The following UNC13C variants were observed in gnomAD, a reference collection of about 807,000 sequenced individuals.
UNC13C encodes the protein unc-13 homolog C, also known as protein unc-13 homolog C.
Under a neutral mutation model 245.4 loss-of-function variants are expected in UNC13C, and 174 were observed. That is an observed-to-expected ratio of 0.71 (90% CI 0.63 to 0.80). The LOEUF (loss-of-function observed/expected upper bound fraction) is 0.80, where lower values mean the gene tolerates loss of function less well. Among genes scored for constraint, UNC13C ranks in the 30% least tolerant of loss-of-function variants. The probability of loss-of-function intolerance (pLI) is 0.00; values close to 1 mark genes in which losing one functional copy is unlikely to be tolerated. For missense variants in UNC13C, 2,829 were observed against 2,602.9 expected (o/e 1.09, Z -1.89); for synonymous variants, 992 against 895.1 (o/e 1.11, Z -1.93).
intron 2 of UNC13C, among the ~76,000 whole-genome samples, chr15:54,125,123 C>T (rs948837588): frequency 6.6e-6 from 1 of 152,164 alleles, no homozygotes; most frequent in South Asian, 2.1e-4. Context: ...TTGTAGTTCC[C>T]TTATCTTTCC....
At chr15:54,293,254 C>A (rs951720943) in intron 10 of UNC13C, among the ~76,000 whole-genome samples, 7 of 151,834 alleles carry the variant, frequency 4.6e-5, no homozygotes, top group Non-Finnish European at 7.4e-5. Context: ...TATACAAAAA[C>A]CACAGTGTCA....
At chr15:54,147,671 C>T (rs911452700) in intron 4 of UNC13C, among the ~76,000 whole-genome samples, 3 of 151,144 alleles carry the variant, frequency 2.0e-5, no homozygotes, top group Non-Finnish European at 4.4e-5. Context: ...GTAATTAGAA[C>T]TCCACTGGTT....
the UNC13C span, chr15:53,972,792 AAAAGG>A: frequency 6.6e-6 from 1 of 152,214 alleles, no homozygotes; most frequent in Non-Finnish European, 1.5e-5. Flanking sequence ...AGCCTTCAAA[AAAAGG>A]AAAGGAAGTC....
At chr15:54,104,018 C>A (rs968026457) in intron 2 of UNC13C, among the ~76,000 whole-genome samples, 9 of 152,256 alleles carry the variant, frequency 5.9e-5, no homozygotes, top group African/African-American at 2.2e-4. Flanking sequence ...GCTGGGATTA[C>A]AGGCGTGAGC....
Position 54,546,818 on chromosome 15 carries a change from T to C in UNC13C, c.5793T>C (p.Ile1931=), listed in dbSNP as rs1434336413. Residue 1931 remains isoleucine (I), a synonymous_variant, in exon 27 of 33, where the codon ATT becomes ATC. Transcript: ENST00000260323. ...TTCTCAACAAAATAGAAAAACAAAT[T>C]GTTCTTCCTCCTCTGACAGATCAAA... ...KLVLNKIEKQ[I]VLPPLTDQTG... is the part of the protein sequence containing the mutation. 1.3e-6 allele frequency: 2 copies of C among 1,582,078 alleles called. No homozygotes were observed. Among genetic ancestry groups the C allele is most frequent in the East Asian group, 4.6e-5 (2 of 43,726 alleles).
chr15:54,091,730 A>AT (rs138552016), intron 2 of UNC13C, among the ~76,000 whole-genome samples: 11,921 of 151,534 alleles, frequency 0.079, 938 homozygotes, highest in African/African-American at 0.19. Flanking sequence ...TCTTTCTAAA[A>AT]ATTTTGTTAT....
the UNC13C span, among the ~76,000 whole-genome samples, chr15:53,892,287 T>C: frequency 6.6e-6 from 1 of 152,184 alleles, no homozygotes; most frequent in Non-Finnish European, 1.5e-5. Flanking sequence ...AACCCAACCT[T>C]TTTCTCTGCT....
intron 4 of UNC13C, among the ~76,000 whole-genome samples, chr15:54,230,890 T>G (rs1052428413): frequency 6.6e-6 from 1 of 152,080 alleles, no homozygotes; most frequent in African/African-American, 2.4e-5. Flanking sequence ...ATTAAAATAT[T>G]AATAAAAACT....
intron 4 of UNC13C, among the ~76,000 whole-genome samples, chr15:54,228,159 C>A (rs149882729): frequency 2.5e-4 from 38 of 152,262 alleles, no homozygotes; most frequent in African/African-American, 8.4e-4. Flanking sequence ...GTGAGTACTG[C>A]CTGGCTACAG....
intron 4 of UNC13C, among the ~76,000 whole-genome samples, chr15:54,164,699 T>C (rs996055213): frequency 1.3e-5 from 2 of 152,196 alleles, no homozygotes; most frequent in African/African-American, 2.4e-5. Flanking sequence ...CAGCTCAGTG[T>C]CAAATGTTCT....
chr15:53,874,550 G>A, the UNC13C span, among the ~76,000 whole-genome samples: 1 of 152,134 alleles, frequency 6.6e-6, no homozygotes, highest in African/African-American at 2.4e-5. Flanking sequence ...TCATTATGCG[G>A]GTGAGAGATC....
chr15:54,134,959 T>A (rs1431657699), intron 2 of UNC13C, among the ~76,000 whole-genome samples: 2 of 152,214 alleles, frequency 1.3e-5, no homozygotes, highest in East Asian at 3.9e-4. Flanking sequence ...TTCCTTTTTG[T>A]GCATGCCATT....
intron 4 of UNC13C, among the ~76,000 whole-genome samples, chr15:54,226,604 A>G (rs1000882413): frequency 2.3e-4 from 35 of 152,164 alleles, no homozygotes; most frequent in African/African-American, 8.2e-4. Context: ...CCCAGATCCT[A>G]CACCAGCCAA....
chr15:53,998,604 T>A (rs1894742467), intron 1 of UNC13C, among the ~76,000 whole-genome samples: 1 of 152,154 alleles, frequency 6.6e-6, no homozygotes, highest in African/African-American at 2.4e-5. Context: ...ACTTTTGATT[T>A]CATTGTTTTG....
At chr15:53,993,019 A>C (rs1566936166) in intron 1 of UNC13C, among the ~76,000 whole-genome samples, 1 of 152,070 alleles carries the variant, frequency 6.6e-6, no homozygotes, top group Non-Finnish European at 1.5e-5. Context: ...TACACCACGG[A>C]CTATCCATTT....
At chr15:53,957,521 T>TA in the UNC13C span, among the ~76,000 whole-genome samples, 7 of 152,198 alleles carry the variant, frequency 4.6e-5, no homozygotes, top group African/African-American at 1.2e-4. Flanking sequence ...ATATAATTTT[T>TA]AAAAAATCTC....
At chr15:54,501,734 G>A (rs1363247628) in intron 22 of UNC13C, among the ~76,000 whole-genome samples, 1 of 152,090 alleles carries the variant, frequency 6.6e-6, no homozygotes, top group Admixed American at 6.6e-5. Context: ...TCTGATGAGA[G>A]CCGAAATAGA....
At chr15:54,531,217 G>A (rs1895722018) in intron 25 of UNC13C, among the ~76,000 whole-genome samples, 1 of 152,096 alleles carries the variant, frequency 6.6e-6, no homozygotes, top group Admixed American at 6.6e-5. Context: ...ATGTGAATTT[G>A]AGAACCACCA....
At chr15:54,414,274 A>G (rs181070021) in intron 18 of UNC13C, among the ~76,000 whole-genome samples, 1 of 152,322 alleles carries the variant, frequency 6.6e-6, no homozygotes. Flanking sequence ...TGAGGGACAT[A>G]TATGAGGTGT....
Sources: gnomAD v4.1 joint callset for allele counts (sites outside exome capture counted in the v4.1 genomes callset) on GRCh38, gnomAD v4.1.1 for gene constraint, MANE v1.5 for transcripts, NCBI Gene and HGNC (gene_info 2026-07-23, HGNC 2026-07-21) for gene names.